Variants in RPS6KB1 observed in about 807,000 individuals in gnomAD.
The protein encoded by RPS6KB1 is ribosomal protein S6 kinase beta-1.
RPS6KB1 carries 12 observed loss-of-function variants against 70.2 expected under a neutral mutation model. The observed-to-expected ratio is 0.17, with a 90% CI of 0.11 to 0.28. The LOEUF (loss-of-function observed/expected upper bound fraction) is 0.28, where lower values mean the gene tolerates loss of function less well. Ranked by LOEUF, RPS6KB1 falls within the 10% of genes least tolerant of loss-of-function variation. The probability of loss-of-function intolerance (pLI) is 1.00; values close to 1 mark genes in which losing one functional copy is unlikely to be tolerated. For synonymous variants in RPS6KB1, 175 were observed against 211.2 expected (o/e 0.83, Z 1.49); for missense variants, 270 against 646.6 (o/e 0.42, Z 6.32).
At chr17:59,917,417 G>A (rs1429163591) in intron 4 of RPS6KB1, among the ~76,000 whole-genome samples, 4 of 151,824 alleles carry the variant, frequency 2.6e-5, no homozygotes, top group African/African-American at 7.3e-5. Flanking sequence ...CACTGCGCCC[G>A]GCCTATTTAA....
At chr17:59,902,012 T>TAAA (rs759292909) in intron 1 of RPS6KB1, among the ~76,000 whole-genome samples, 4 of 53,008 alleles carry the variant, frequency 7.5e-5, no homozygotes, top group African/African-American at 1.4e-4. Flanking sequence ...AACCTGTCTC[T>TAAA]AAAAAAAAAA....
intron 14 of RPS6KB1, 58 bp downstream of exon 14, chr17:59,945,576 T>G: frequency 1.1e-6 from 1 of 917,322 alleles, no homozygotes; most frequent in East Asian, 2.6e-5. Context: ...CAAGAGTGTT[T>G]GCTTAAGAAG....
At chr17:59,912,391 C>A (rs1598707488) in intron 2 of RPS6KB1, 1 of 274,730 alleles carries the variant, frequency 3.6e-6, no homozygotes, top group East Asian at 8.3e-5. Flanking sequence ...ATGGATTATC[C>A]AAGGCATCTA....
chr17:59,928,331 A>G lies in RPS6KB1; in HGVS notation c.529+1749A>G, dbSNP rs559798831. ...TTTGAACTGTTTAAGAGAGTGTTAC[A>G]GACATGATTTCCCTTTACCCCTAAA... On this transcript the variant is annotated intron_variant, in intron 5 of 14. Transcript: ENST00000225577. 9.3e-4 allele frequency among the ~76,000 whole-genome samples: 141 copies of G among 152,116 alleles called. 1 individual carries two copies. The highest frequency in any genetic ancestry group is 9.3e-4 in the Non-Finnish European group (63 of 67,974).
At chr17:59,900,477 T>C (rs1212766515) in intron 1 of RPS6KB1, among the ~76,000 whole-genome samples, 2 of 152,070 alleles carry the variant, frequency 1.3e-5, no homozygotes, top group African/African-American at 4.8e-5. Flanking sequence ...GCGATTCTCT[T>C]TCCTCAGCCT....
intron 1 of RPS6KB1, among the ~76,000 whole-genome samples, chr17:59,908,443 C>G (rs1440091082): frequency 6.6e-6 from 1 of 151,386 alleles, no homozygotes; most frequent in Non-Finnish European, 1.5e-5. Context: ...TCAGGTGATC[C>G]ACCCGCCTCG....
At chr17:59,897,954 G>A (rs2144661765) in intron 1 of RPS6KB1, among the ~76,000 whole-genome samples, 1 of 145,072 alleles carries the variant, frequency 6.9e-6, no homozygotes, top group Middle Eastern at 3.6e-3. Flanking sequence ...GACACAGTGA[G>A]ATTCCGTCTC....
At chr17:59,919,783 T>C (rs2043164341) in intron 4 of RPS6KB1, among the ~76,000 whole-genome samples, 1 of 152,138 alleles carries the variant, frequency 6.6e-6, no homozygotes, top group South Asian at 2.1e-4. Flanking sequence ...GATCTCCCTG[T>C]TTTTAGCACT....
chr17:59,907,869 A>AT (rs2042363277), intron 1 of RPS6KB1, among the ~76,000 whole-genome samples: 1 of 152,084 alleles, frequency 6.6e-6, no homozygotes, highest in Non-Finnish European at 1.5e-5. Flanking sequence ...TATAAATGGA[A>AT]TTGTTACCTT....
At chr17:59,903,145 A>C (rs1236997563) in intron 1 of RPS6KB1, among the ~76,000 whole-genome samples, 1 of 151,922 alleles carries the variant, frequency 6.6e-6, no homozygotes, top group Non-Finnish European at 1.5e-5. Flanking sequence ...ATCTCTACTA[A>C]AAATACAAAA....
intron 4 of RPS6KB1, among the ~76,000 whole-genome samples, chr17:59,924,347 C>A (rs1406970803): frequency 1.3e-5 from 2 of 151,908 alleles, no homozygotes; most frequent in Admixed American, 6.6e-5. Context: ...AAATCTTTTT[C>A]TCCTATATCT....
At chr17:59,898,752 C>A (rs117352420) in intron 1 of RPS6KB1, among the ~76,000 whole-genome samples, 6,291 of 151,858 alleles carry the variant, frequency 0.041, 180 homozygotes, top group Non-Finnish European at 0.061. Flanking sequence ...CCACCGTGCC[C>A]GGCCAGCAGC....
chr17:59,935,347 G>T, intron 10 of RPS6KB1, 47 bp downstream of exon 10: 1 of 946,400 alleles, frequency 1.1e-6, no homozygotes, highest in South Asian at 1.4e-5. Context: ...CAATGACTAG[G>T]ATTTAACTAG....
chr17:59,941,319 C>CTTTTT (rs34530239), intron 13 of RPS6KB1, among the ~76,000 whole-genome samples: 1 of 125,034 alleles, frequency 8.0e-6, no homozygotes. Context: ...ATTTTTGGTA[C>CTTTTT]TTTTTTTTTT....
chr17:59,914,807 C>T (rs2042845068), intron 4 of RPS6KB1, 104 bp downstream of exon 4: 2 of 954,564 alleles, frequency 2.1e-6, no homozygotes, highest in Non-Finnish European at 3.2e-6. Flanking sequence ...ATTGTTGTAA[C>T]ATTTTGGCCT....
At chr17:59,941,477 C>G (rs2044579418) in intron 13 of RPS6KB1, among the ~76,000 whole-genome samples, 1 of 151,998 alleles carries the variant, frequency 6.6e-6, no homozygotes, top group Non-Finnish European at 1.5e-5. Context: ...GTGTGTGCCA[C>G]ATGCAGCTAA....
chr17:59,942,111 G>A (rs2044643815), intron 13 of RPS6KB1, among the ~76,000 whole-genome samples: 1 of 152,050 alleles, frequency 6.6e-6, no homozygotes, highest in Non-Finnish European at 1.5e-5. Flanking sequence ...GCCCGCCTTG[G>A]CCTCCCAAAG....
At chr17:59,938,932 TA>T (rs1209515987) in intron 12 of RPS6KB1, among the ~76,000 whole-genome samples, 3 of 152,194 alleles carry the variant, frequency 2.0e-5, no homozygotes, top group Non-Finnish European at 4.4e-5. Context: ...AAAATGTCAG[TA>T]GCACTGAGGT....
rs186125921 is a variant in RPS6KB1 at position 59,895,871 on chromosome 17, A to C, written c.141+2546A>C. ...TGGGCCTGAACTCCTGAGCTCCAGCAATCTGCCAGCCTTGGCCTCTCAAAG... is the reference window on the plus strand; with the variant it reads ...TGGGCCTGAACTCCTGAGCTCCAGCCATCTGCCAGCCTTGGCCTCTCAAAG... On this transcript the variant is annotated intron_variant, in intron 1 of 14. Coordinates refer to ENST00000225577, the MANE Select transcript of RPS6KB1 (RefSeq NM_003161.4). 3.8e-3 allele frequency among the ~76,000 whole-genome samples: 582 copies of C among 151,552 alleles called. 3 individuals are homozygous for C. Among genetic ancestry groups the C allele is most frequent in the Admixed American group, 8.5e-3 (129 of 15,220 alleles).
Sources: gnomAD v4.1 joint callset for allele counts (sites outside exome capture counted in the v4.1 genomes callset) on GRCh38, gnomAD v4.1.1 for gene constraint, MANE v1.5 for transcripts, NCBI Gene and HGNC (gene_info 2026-07-23, HGNC 2026-07-21) for gene names.